CATSPERG: variants seen among roughly 807,000 people sequenced by gnomAD.
CATSPERG encodes the protein cation channel sperm-associated auxiliary subunit gamma.
CATSPERG carries 115 observed loss-of-function variants against 145.0 expected under a neutral mutation model. The observed-to-expected ratio is 0.79, with a 90% CI of 0.68 to 0.93. The LOEUF (loss-of-function observed/expected upper bound fraction) is 0.93. CATSPERG is among the 40% of genes least tolerant of loss of function. The pLI is 0.00. For missense variants in CATSPERG, 1,296 were observed against 1,490.1 expected (o/e 0.87, Z 2.14); for synonymous variants, 588 against 589.0 (o/e 1.00, Z 0.02).
In CATSPERG at chr19:38,337,087, G is replaced by A. The variant is rs1053032789; in HGVS notation, c.-14-134G>A. 52 of 1,103,890 alleles carry A rather than the reference G, an allele frequency of 4.7e-5. No individual in the cohort carries two copies. The African/African-American group carries it at 5.9e-4, about 13-fold the overall frequency. 68.4% of individuals were successfully genotyped at this position (1,103,890 alleles called of 1,614,324 possible). A position where few individuals can be genotyped will look rare whatever the true frequency, so the allele number is the denominator to read the frequency against. On this transcript the variant is annotated intron_variant, in intron 1 of 28. Coordinates refer to ENST00000409235, the MANE Select transcript of CATSPERG (RefSeq NM_021185.5). ...GGGGCGGGACCAAGAGCAAGTGCAG[G>A]GGCGGGGCCAGGAGCAAGAGCCGGG...
At chr19:38,352,474 C>A (rs955833879) in intron 8 of CATSPERG, 42 bp downstream of exon 8, 11 of 1,539,074 alleles carry the variant, frequency 7.1e-6, no homozygotes, top group African/African-American at 2.7e-5. Flanking sequence ...GGAGGGCACC[C>A]TGGTGAACCC....
chr19:38,347,172 C>G (rs1282841418), intron 7 of CATSPERG, among the ~76,000 whole-genome samples: 1 of 152,166 alleles, frequency 6.6e-6, no homozygotes, highest in Non-Finnish European at 1.5e-5. Context: ...GATCACACCA[C>G]TGCACTTCAG....
Position 38,362,558 on chromosome 19 carries a change from G to C in CATSPERG, c.2340G>C (p.Arg780=), listed in dbSNP as rs759752348. 6.2e-7 allele frequency: 1 copy of C among 1,613,910 alleles called. No homozygotes were observed. The highest frequency in any genetic ancestry group is 8.5e-7 in the Non-Finnish European group (1 of 1,180,030). The change falls in exon 19 of 29, where the codon CGG becomes CGC. Residue 780 remains arginine, a synonymous_variant. Coordinates refer to ENST00000409235, the MANE Select transcript of CATSPERG (RefSeq NM_021185.5). ...IFLSAQGHSF[R]TQSELGTAFQ... ...TGTCGGCGCAGGGCCACTCGTTCCG[G>C]ACGCAGTCAGAACTCGGTCTGCGCG...
At chr19:38,343,114 G>C (rs1039950602) in intron 3 of CATSPERG, among the ~76,000 whole-genome samples, 2 of 152,146 alleles carry the variant, frequency 1.3e-5, no homozygotes, top group Non-Finnish European at 2.9e-5. Context: ...GGAGGCCAAG[G>C]TGGGAGGCTC....
intron 20 of CATSPERG, 147 bp downstream of exon 20, chr19:38,362,979 C>G (rs545114957): frequency 1.6e-6 from 1 of 625,234 alleles, no homozygotes; most frequent in Admixed American, 2.9e-5. Context: ...CTCAAGCGAT[C>G]CTCCTCCCTC....
Position 38,343,751 on chromosome 19 carries a change from C to T in CATSPERG, c.469+27C>T, listed in dbSNP as rs751692562. ...TGGGCCTGGGGGAGGCGGGAGGGAT[C>T]GCAACCTGGCAGGGGTGTGGGGTTT... is the stretch of plus-strand genomic sequence containing the variant. On this transcript the variant is annotated intron_variant, in intron 4 of 28. Coordinates refer to ENST00000409235, the MANE Select transcript of CATSPERG (RefSeq NM_021185.5). 118 of 1,541,682 alleles carry T rather than the reference C, an allele frequency of 7.7e-5. 1 individual carries two copies. The highest frequency in any genetic ancestry group is 5.9e-4 in the South Asian group (49 of 83,674).
At chr19:38,343,482 C>A in intron 3 of CATSPERG, 98 bp from the exon 4 acceptor site, 1 of 1,128,078 alleles carries the variant, frequency 8.9e-7, no homozygotes, top group Non-Finnish European at 1.2e-6. Context: ...GTGCTGCCCC[C>A]GGACAGCCCA....
chr19:38,367,752 A>G lies in CATSPERG; in HGVS notation c.2906A>G (p.Tyr969Cys), dbSNP rs529623583. The change falls in exon 25 of 29, where the codon TAC becomes TGC. Residue 969 changes from tyrosine (Y) to cysteine (C), a missense_variant. Transcript: ENST00000409235. ...AAGGACTACAGTGAGGACGAAATCT[A>G]CCGCTTCAACAGCCCCCTGGACAAG... Reference protein sequence around the residue: ...SLKDYSEDEIYRFNSPLDKTN... With the variant: ...SLKDYSEDEICRFNSPLDKTN... 124 of 1,613,942 alleles carry G rather than the reference A, an allele frequency of 7.7e-5. No homozygotes were observed. The highest frequency in any genetic ancestry group is 1.0e-4 in the Non-Finnish European group (121 of 1,179,980).
intron 7 of CATSPERG, among the ~76,000 whole-genome samples, chr19:38,350,300 C>T (rs546515862): frequency 1.3e-5 from 2 of 152,168 alleles, no homozygotes; most frequent in African/African-American, 2.4e-5. Flanking sequence ...TATTGGTTCA[C>T]GAGACCAGAT....
intron 22 of CATSPERG, chr19:38,365,428 G>A (rs1044077413): frequency 8.9e-5 from 26 of 291,270 alleles, no homozygotes; most frequent in East Asian, 2.2e-4. Flanking sequence ...CCGCCACCAC[G>A]GCTGGCTAAT....
chr19:38,360,214 T>A (rs1262340556), intron 14 of CATSPERG: 1 of 985,058 alleles, frequency 1.0e-6, no homozygotes, highest in African/African-American at 1.8e-5. Context: ...GTGTTAGAGA[T>A]GCTTAGGTCG....
chr19:38,361,710 T>C lies in CATSPERG; in HGVS notation c.1943T>C (p.Leu648Pro). The change falls in exon 17 of 29, where the codon CTG becomes CCG. Residue 648 changes from leucine (L) to proline (P), a missense_variant. Transcript: ENST00000409235. ...TTCTCGGTGATGCGCCTGCGGAGCC[T>C]GCCCAGTCCGCAGAGATACACGCGC... is the stretch of plus-strand genomic sequence containing the variant. ...CPFSVMRLRS[L>P]PSPQRYTRQE... 1 of 1,612,730 alleles carries C rather than the reference T, an allele frequency of 6.2e-7. No individual in the cohort carries two copies. The highest frequency in any genetic ancestry group is 1.1e-5 in the South Asian group (1 of 90,974).
rs2302182 is a variant in CATSPERG at position 38,337,320 on chromosome 19, T to C, written c.86T>C (p.Leu29Pro). Residue 29 changes from leucine to proline, a missense_variant, in exon 2 of 29, where the codon CTC (leucine) becomes CCC (proline). Physicochemically the swap from Leu to Pro is moderately conservative, Grantham distance 98 (BLOSUM62 -3). Transcript: ENST00000409235. The stretch of plus-strand genomic sequence containing the variant: ...GTGCTGTGGGCCCTGCTGGCAGTGC[T>C]CCTGGCGTCGTGGAGGCTGTGGGCG... Reference protein sequence around the residue: ...VQVLWALLAVLLASWRLWAIK... With the variant: ...VQVLWALLAVPLASWRLWAIK... 0.16 allele frequency: 245,371 copies of C among 1,551,282 alleles called. 20,640 individuals are homozygous for C. The highest frequency in any genetic ancestry group is 0.23 in the Admixed American group (11,869 of 50,970).
intron 2 of CATSPERG, 41 bp downstream of exon 2, chr19:38,337,545 C>G: frequency 8.4e-6 from 13 of 1,551,908 alleles, no homozygotes; most frequent in Non-Finnish European, 1.1e-5. Context: ...GGATTTTGAA[C>G]CCGCACTCCA....
rs149565571 is a variant in CATSPERG at position 38,351,935 on chromosome 19, G to A, written c.826-326G>A. Among the ~76,000 whole-genome samples, 192 of 152,248 alleles carry A rather than the reference G, an allele frequency of 1.3e-3. 2 individuals carry two copies. The Middle Eastern group carries it at 0.024, about 19-fold the overall frequency. ...AAAAAATGTCCCTTGGGGCGAGCAT[G>A]GGGTGTTGTATCCATGTAGGTATAA... On this transcript the variant is annotated intron_variant, in intron 7 of 28. Coordinates refer to ENST00000409235, the MANE Select transcript of CATSPERG (RefSeq NM_021185.5).
chr19:38,357,718 G>A (rs965940579), intron 11 of CATSPERG, among the ~76,000 whole-genome samples: 5 of 152,244 alleles, frequency 3.3e-5, no homozygotes, highest in East Asian at 1.9e-4. Flanking sequence ...CTGGGAGGCC[G>A]AGGCGGGGGG....
At chr19:38,368,452 C>T (rs1970493417) in intron 26 of CATSPERG, among the ~76,000 whole-genome samples, 1 of 152,058 alleles carries the variant, frequency 6.6e-6, no homozygotes, top group Admixed American at 6.5e-5. Flanking sequence ...CCTACCTGTG[C>T]GTCCCCATCC....
chr19:38,358,212 G>A (rs1012665052), intron 11 of CATSPERG, 66 bp from the exon 12 acceptor site: 28 of 1,537,550 alleles, frequency 1.8e-5, no homozygotes, highest in Middle Eastern at 1.7e-4. Context: ...CAAACAACTT[G>A]CTCCAGCTCC....
At chr19:38,335,995 G>A (rs928665875) in intron 1 of CATSPERG, 120 bp downstream of exon 1, 1 of 289,842 alleles carries the variant, frequency 3.5e-6, no homozygotes, top group African/African-American at 2.4e-5. Flanking sequence ...GGGGAAAGAG[G>A]GGAAGAGTCG....
Sources: allele counts gnomAD v4.1 joint callset (sites outside exome capture counted in the v4.1 genomes callset), GRCh38; gene constraint gnomAD v4.1.1; transcripts MANE v1.5; gene names NCBI Gene and HGNC (gene_info 2026-07-23, HGNC 2026-07-21).